The following FAM91A1 variants were observed in gnomAD, a reference collection of about 807,000 sequenced individuals.
FAM91A1 encodes protein FAM91A1.
FAM91A1 carries 41 observed loss-of-function variants against 113.5 expected under a neutral mutation model. That is an observed-to-expected ratio of 0.36 (90% CI 0.28 to 0.47). The LOEUF (loss-of-function observed/expected upper bound fraction) is 0.47. Ranked by LOEUF, FAM91A1 falls within the 20% of genes least tolerant of loss-of-function variation. The pLI, the probability that FAM91A1 is intolerant of heterozygous loss-of-function variation, is 1.00. For synonymous variants in FAM91A1, 307 were observed against 347.9 expected (o/e 0.88, Z 1.31); for missense variants, 696 against 1,001.2 (o/e 0.70, Z 4.11).
chr8:123,792,519 A>G (rs908743567), intron 15 of FAM91A1, among the ~76,000 whole-genome samples: 2 of 152,180 alleles, frequency 1.3e-5, no homozygotes, highest in African/African-American at 2.4e-5. Flanking sequence ...TGTGATTAGT[A>G]TAAGTCAGAC....
intron 14 of FAM91A1, chr8:123,788,234 C>G: frequency 1.0e-6 from 1 of 985,306 alleles, no homozygotes; most frequent in Non-Finnish European, 1.2e-6. Context: ...TTGCTCTTAA[C>G]CACCTTTTTC....
intron 5 of FAM91A1, 138 bp downstream of exon 5, chr8:123,778,230 C>T (rs936030906): frequency 1.7e-6 from 1 of 600,282 alleles, no homozygotes; most frequent in African/African-American, 1.9e-5. Flanking sequence ...AAAAAAAACT[C>T]CTCAGTATTC....
intron 11 of FAM91A1, 143 bp downstream of exon 11, chr8:123,785,884 C>G: frequency 1.9e-6 from 1 of 525,486 alleles, no homozygotes; most frequent in Non-Finnish European, 3.3e-6. Context: ...GTGGCGCGAT[C>G]TCGGCTCACT....
intron 18 of FAM91A1, among the ~76,000 whole-genome samples, chr8:123,803,167 AAGTAAAATGAG>A (rs1815727536): frequency 6.6e-6 from 1 of 152,120 alleles, no homozygotes; most frequent in Non-Finnish European, 1.5e-5. Context: ...TTCTTGAATA[AAGTAAAATGAG>A]AGAGGTGGTT....
At chr8:123,788,173 T>G (rs1330386926) in intron 14 of FAM91A1, 1 of 984,486 alleles carries the variant, frequency 1.0e-6, no homozygotes, top group African/African-American at 1.7e-5. Context: ...GGTATCATAT[T>G]TATGTCCGCT....
chr8:123,786,661 G>A, intron 12 of FAM91A1, 51 bp downstream of exon 12: 1 of 1,296,458 alleles, frequency 7.7e-7, no homozygotes, highest in African/African-American at 1.5e-5. Flanking sequence ...TACGGCACAT[G>A]TCCAAACATA....
At chr8:123,775,355 C>A in intron 3 of FAM91A1, 57 bp downstream of exon 3, 1 of 1,568,850 alleles carries the variant, frequency 6.4e-7, no homozygotes, top group Non-Finnish European at 8.7e-7. Flanking sequence ...ATGTCTGGGA[C>A]TTTTTGCAGA....
At chr8:123,812,390 GCATCTC>G in intron 23 of FAM91A1, 123 bp from the exon 24 acceptor site, 63 of 650,126 alleles carry the variant, frequency 9.7e-5, no homozygotes, top group South Asian at 4.9e-4. Flanking sequence ...GTAGATCTTT[GCATCTC>G]CTGTACTGCT....
At chr8:123,800,900 C>T (rs773084963) in intron 18 of FAM91A1, among the ~76,000 whole-genome samples, 7 of 152,088 alleles carry the variant, frequency 4.6e-5, no homozygotes, top group African/African-American at 7.2e-5. Context: ...TATGGATATG[C>T]CACATTTTGT....
chr8:123,798,008 C>A, intron 15 of FAM91A1, 82 bp from the exon 16 acceptor site: 1 of 1,425,800 alleles, frequency 7.0e-7, no homozygotes, highest in South Asian at 1.4e-5. Context: ...AATCTTAAGT[C>A]AGTTATCAAT....
At position 123,808,904 on chromosome 8, in the gene FAM91A1, G is replaced by A; in HGVS notation, c.2149G>A (p.Glu717Lys). 6.2e-7 allele frequency: 1 copy of A among 1,610,302 alleles called. No individual in the cohort carries two copies. The highest frequency in any genetic ancestry group is 2.1e-4 in the Middle Eastern group (1 of 4,872). ...ATKQTSGATT[E>K]ADWVPLELCF... ...GTATCCTTTCTTAGGTGCCACAACA[G>A]AAGCAGATTGGGTTCCTCTCGAGCT... is the stretch of plus-strand genomic sequence containing the variant. Residue 717 changes from glutamate to lysine, a missense_variant, in exon 22 of 24, where the codon GAA (glutamate) becomes AAA (lysine). Coordinates refer to ENST00000334705, the MANE Select transcript of FAM91A1 (RefSeq NM_144963.4).
At chr8:123,791,252 T>G (rs1815375411) in intron 15 of FAM91A1, among the ~76,000 whole-genome samples, 1 of 151,946 alleles carries the variant, frequency 6.6e-6, no homozygotes, top group Non-Finnish European at 1.5e-5. Context: ...TATTAGTAAA[T>G]GGAAGAGCCA....
intron 11 of FAM91A1, 171 bp downstream of exon 11, chr8:123,785,912 G>T (rs955658551): frequency 4.1e-6 from 2 of 490,390 alleles, no homozygotes; most frequent in East Asian, 8.9e-5. Context: ...CCACCTCCCC[G>T]TTTCAAGCGA....
intron 1 of FAM91A1, among the ~76,000 whole-genome samples, chr8:123,771,482 T>TA (rs1400807855): frequency 6.6e-6 from 1 of 152,166 alleles, no homozygotes; most frequent in Non-Finnish European, 1.5e-5. Flanking sequence ...TTTAGATTTT[T>TA]AAAAAATGTA....
At chr8:123,776,368 C>T (rs1424606472) in intron 3 of FAM91A1, among the ~76,000 whole-genome samples, 1 of 152,200 alleles carries the variant, frequency 6.6e-6, no homozygotes, top group Non-Finnish European at 1.5e-5. Context: ...GCCCTACATA[C>T]GATGTGTGCT....
At position 123,768,547 on chromosome 8, in the gene FAM91A1, C is replaced by G. The variant is rs1316088139; in HGVS notation, c.-156C>G. ...CTCGGTTGGCCCGGGCGGCGCTGAA[C>G]TGTCGGGAGCCTAGGCCATGGGGCA... On this transcript the variant is annotated 5_prime_UTR_variant, in exon 1 of 24. Coordinates refer to ENST00000334705, the MANE Select transcript of FAM91A1 (RefSeq NM_144963.4). 2.7e-5 allele frequency: 16 copies of G among 591,112 alleles called. 1 individual carries two copies. 36.6% of individuals were successfully genotyped at this position (591,112 alleles called of 1,614,324 possible).
At chr8:123,788,617 T>C (rs1022607802) in intron 14 of FAM91A1, among the ~76,000 whole-genome samples, 2 of 152,200 alleles carry the variant, frequency 1.3e-5, no homozygotes, top group Admixed American at 1.3e-4. Context: ...ATTTATTTCT[T>C]CATGCTTCTT....
At chr8:123,805,394 TCA>T in intron 19 of FAM91A1, 55 bp downstream of exon 19, 1 of 1,351,454 alleles carries the variant, frequency 7.4e-7, no homozygotes, top group East Asian at 2.4e-5. Context: ...ATTACTCATG[TCA>T]ACAGTTTGGT....
Position 123,799,475 on chromosome 8 carries a change from G to A in FAM91A1, c.1561-45G>A, listed in dbSNP as rs770039086. The A allele has an allele frequency of 7.6e-6, 12 of 1,583,900 alleles. No individual in the cohort carries two copies. In the East Asian group the frequency reaches 2.5e-4, roughly 33 times the overall value. ...TATAAGACTGTTCTCGGTCACTTAT[G>A]TAACACTTTATTTTAACTTTATCTT... On this transcript the variant is annotated intron_variant, in intron 16 of 23. Transcript: ENST00000334705.
Sources: gnomAD v4.1 joint callset for allele counts (sites outside exome capture counted in the v4.1 genomes callset) on GRCh38, gnomAD v4.1.1 for gene constraint, MANE v1.5 for transcripts, NCBI Gene and HGNC (gene_info 2026-07-23, HGNC 2026-07-21) for gene names.